The following TRIM71 variants were observed in gnomAD, a reference collection of about 807,000 sequenced individuals.
The protein encoded by TRIM71 is E3 ubiquitin-protein ligase TRIM71.
Under a neutral mutation model 61.2 loss-of-function variants are expected in TRIM71, and 9 were observed. That is an observed-to-expected ratio of 0.15 (90% CI 0.09 to 0.26). The LOEUF is 0.26. TRIM71 is among the 10% of genes least tolerant of loss of function. TRIM71 has a pLI of 1.00. For synonymous variants in TRIM71, 645 were observed against 553.2 expected (o/e 1.17, Z -2.33); for missense variants, 998 against 1,238.7 (o/e 0.81, Z 2.92).
chr3:32,831,979 C>T (rs780305471), intron 1 of TRIM71, among the ~76,000 whole-genome samples: 12 of 152,272 alleles, frequency 7.9e-5, no homozygotes, highest in Non-Finnish European at 1.5e-4. Context: ...TGTTTCTGCT[C>T]AGTGTGAATT....
intron 1 of TRIM71, among the ~76,000 whole-genome samples, chr3:32,838,967 C>G (rs1380867455): frequency 6.7e-6 from 1 of 149,664 alleles, no homozygotes; most frequent in African/African-American, 2.5e-5. Flanking sequence ...CGCCTGGCTA[C>G]TTTTTGTATT....
chr3:32,836,650 C>T (rs903020730), intron 1 of TRIM71, among the ~76,000 whole-genome samples: 1 of 152,212 alleles, frequency 6.6e-6, no homozygotes, highest in African/African-American at 2.4e-5. Context: ...GCCTAATGTT[C>T]TGTCTGTTAG....
At chr3:32,874,118 C>A in intron 2 of TRIM71, 133 bp downstream of exon 2, 1 of 914,444 alleles carries the variant, frequency 1.1e-6, no homozygotes, top group South Asian at 1.9e-5. Context: ...CAGGTGACAT[C>A]CCTGCAGCAG....
chr3:32,833,634 T>TATTTA (rs1696300147), intron 1 of TRIM71, among the ~76,000 whole-genome samples: 1 of 146,702 alleles, frequency 6.8e-6, no homozygotes, highest in African/African-American at 2.5e-5. Flanking sequence ...GAGAATGCTT[T>TATTTA]TTTATTTATT....
chr3:32,838,768 T>C (rs940711213), intron 1 of TRIM71, among the ~76,000 whole-genome samples: 3 of 152,038 alleles, frequency 2.0e-5, no homozygotes, highest in African/African-American at 7.2e-5. Context: ...CTGAAGACTA[T>C]CCCTCTTAGG....
At position 32,829,652 on chromosome 3, in the gene TRIM71, T is replaced by TGTGTGTGTGTGTGTG. The variant is rs1575341635; in HGVS notation, c.852+10720_852+10721insGTGTGTGTGTGTGTG. ...TGTGTGTGTGTGTGTGTGTGTGTGT[T>TGTGTGTGTGTGTGTG]TGTGTGTGCGTGTGTGTGCATTGGA... On this transcript the variant is annotated intron_variant, in intron 1 of 3. Coordinates refer to ENST00000383763, the MANE Select transcript of TRIM71 (RefSeq NM_001039111.3). Among the ~76,000 whole-genome samples, 76 of 81,862 alleles carry TGTGTGTGTGTGTGTG rather than the reference T, an allele frequency of 9.3e-4. 2 individuals are homozygous for TGTGTGTGTGTGTGTG. The East Asian group carries it at 0.032, about 35-fold the overall frequency. 53.7% of individuals were successfully genotyped at this position (81,862 alleles called of 152,430 possible).
rs10524029 is a variant in TRIM71 at position 32,829,626 on chromosome 3, TTGTGTGTGTG to T, written c.852+10710_852+10719del. On this transcript the variant is annotated intron_variant, in intron 1 of 3. Coordinates refer to ENST00000383763, the MANE Select transcript of TRIM71 (RefSeq NM_001039111.3). ...TTTAGTAAGCATTAATGTCATGGTA[TTGTGTGTGTG>T]TGTGTGTGTGTGTGTTTGTGTGTGC... 1.6e-3 allele frequency among the ~76,000 whole-genome samples: 234 copies of T among 148,782 alleles called. 1 individual carries two copies. The East Asian group carries it at 0.021, about 14-fold the overall frequency.
At chr3:32,837,347 CTGTG>C (rs1696346019) in intron 1 of TRIM71, among the ~76,000 whole-genome samples, 1 of 152,180 alleles carries the variant, frequency 6.6e-6, no homozygotes, top group African/African-American at 2.4e-5. Context: ...AGTTCCTTTA[CTGTG>C]TGGCCTTTTA....
intron 1 of TRIM71, among the ~76,000 whole-genome samples, chr3:32,845,612 G>T (rs1696462069): frequency 6.6e-6 from 1 of 152,180 alleles, no homozygotes; most frequent in Non-Finnish European, 1.5e-5. Context: ...TAAGCCAGTT[G>T]TATGTATTGT....
At position 32,893,884 on chromosome 3, in the gene TRIM71, G is replaced by C. The variant is rs767798164; in HGVS notation, c.*2073G>C. ...GAAAAAAAAAACCTCATCTCACAGA[G>C]GAGAACTGCATGCAATAAAAGATTC... On this transcript the variant is annotated 3_prime_UTR_variant, in exon 4 of 4. Coordinates refer to ENST00000383763, the MANE Select transcript of TRIM71 (RefSeq NM_001039111.3). 1.3e-5 allele frequency: 2 copies of C among 152,108 alleles called. No homozygotes were observed. The highest frequency in any genetic ancestry group is 2.9e-5 in the Non-Finnish European group (2 of 68,014). 9.4% of individuals were successfully genotyped at this position (152,108 alleles called of 1,614,324 possible).
In TRIM71 at chr3:32,890,767, C is replaced by T. The variant is rs757353296; in HGVS notation, c.1563C>T (p.Gly521=). ...DHDGEPRLSG[G]DLMSAVVLGP... ...ATGGTGAGCCCCGCCTCTCAGGAGGCGACCTGATGTCGGCTGTGGTCCTGG... is the reference window on the plus strand; with the variant it reads ...ATGGTGAGCCCCGCCTCTCAGGAGGTGACCTGATGTCGGCTGTGGTCCTGG... Residue 521 remains glycine, a synonymous_variant, in exon 4 of 4, where the codon GGC becomes GGT. Transcript: ENST00000383763. The surrounding 1 kb of genome is among the most constrained non-coding windows in gnomAD (Gnocchi z 6.2). The T allele has an allele frequency of 9.3e-6, 15 of 1,613,998 alleles. No homozygotes were observed. The highest frequency in any genetic ancestry group is 8.3e-5 in the Admixed American group (5 of 59,998).
intron 1 of TRIM71, among the ~76,000 whole-genome samples, chr3:32,863,699 T>C (rs1189876853): frequency 6.6e-6 from 1 of 152,184 alleles, no homozygotes. Flanking sequence ...TTTTGTTTTT[T>C]TGAGACGGAG....
chr3:32,874,326 AC>A (rs1444587176), intron 2 of TRIM71, among the ~76,000 whole-genome samples: 3 of 51,644 alleles, frequency 5.8e-5, no homozygotes, highest in East Asian at 1.8e-3. Flanking sequence ...AATGCTTATT[AC>A]TACTACTACT....
intron 1 of TRIM71, among the ~76,000 whole-genome samples, chr3:32,858,368 TG>T (rs1037933403): frequency 1.3e-5 from 2 of 152,198 alleles, no homozygotes; most frequent in African/African-American, 2.4e-5. Context: ...CTTCTCAAGT[TG>T]TTTTTTCTTT....
chr3:32,838,762 A>G (rs929686096), intron 1 of TRIM71, among the ~76,000 whole-genome samples: 3 of 151,944 alleles, frequency 2.0e-5, no homozygotes, highest in Admixed American at 2.0e-4. Context: ...CCATTCCTGA[A>G]GACTATCCCT....
intron 2 of TRIM71, among the ~76,000 whole-genome samples, chr3:32,884,447 C>G (rs1416707234): frequency 1.3e-5 from 2 of 151,556 alleles, no homozygotes; most frequent in Admixed American, 1.3e-4. Flanking sequence ...CCTATAATGC[C>G]AGCACTTTTG....
intron 1 of TRIM71, among the ~76,000 whole-genome samples, chr3:32,846,188 G>C (rs760564182): frequency 3.3e-5 from 5 of 149,776 alleles, no homozygotes; most frequent in Non-Finnish European, 7.4e-5. Context: ...GGATTCTCCT[G>C]CCTCAGCCTC....
chr3:32,858,632 A>C (rs1409244138), intron 1 of TRIM71, among the ~76,000 whole-genome samples: 1 of 152,168 alleles, frequency 6.6e-6, no homozygotes, highest in Non-Finnish European at 1.5e-5. Flanking sequence ...TTTTAGATGC[A>C]GTGGGATGAG....
intron 1 of TRIM71, among the ~76,000 whole-genome samples, chr3:32,845,039 G>T (rs1164110854): frequency 6.6e-6 from 1 of 152,188 alleles, no homozygotes; most frequent in Non-Finnish European, 1.5e-5. Flanking sequence ...ACTAGGTGAG[G>T]CTGTGCATCT....
Sources: gnomAD v4.1 joint callset for allele counts (sites outside exome capture counted in the v4.1 genomes callset) on GRCh38, gnomAD v4.1.1 for gene constraint, Gnocchi (gnomAD v3.1) non-coding constraint, MANE v1.5 for transcripts, NCBI Gene and HGNC (gene_info 2026-07-23, HGNC 2026-07-21) for gene names.